Variants in AMBRA1 observed in about 807,000 individuals in gnomAD.
AMBRA1 encodes the protein activating molecule in BECN1-regulated autophagy protein 1.
In AMBRA1, 47 loss-of-function variants were observed where a neutral mutation model predicts 125.4. That is an observed-to-expected ratio of 0.37 (90% CI 0.30 to 0.48). The LOEUF is 0.48. Among genes scored for constraint, AMBRA1 ranks in the 20% least tolerant of loss-of-function variants. AMBRA1 has a pLI of 0.99. For synonymous variants in AMBRA1, 626 were observed against 655.5 expected, an observed-to-expected ratio of 0.95 and a Z score of 0.69; for missense variants, 1,331 against 1,693.4, an observed-to-expected ratio of 0.79 and a Z score of 3.76.
chr11:46,494,523 C>A, intron 9 of AMBRA1: 1 of 206,166 alleles, frequency 4.9e-6, no homozygotes. Context: ...TAAACTTTTT[C>A]TATATTGAAA....
Position 46,496,368 on chromosome 11 carries a change from GTAAA to G in AMBRA1, c.2340-2168_2340-2165del, listed in dbSNP as rs754961378. Reference sequence around the variant, plus strand: ...TTGCACTCCAGCCTGGGCGACAAGAGTAAAACTCTGTCTCAAATAAAATAAAATA... The same window carrying G: ...TTGCACTCCAGCCTGGGCGACAAGAGACTCTGTCTCAAATAAAATAAAATA... On this transcript the variant is annotated intron_variant, in intron 9 of 17. Transcript: ENST00000683756. Among the ~76,000 whole-genome samples the G allele has an allele frequency of 6.4e-4, 98 of 152,162 alleles. 1 individual carries two copies. The highest frequency in any genetic ancestry group is 3.4e-3 in the Middle Eastern group (1 of 294).
intron 9 of AMBRA1, among the ~76,000 whole-genome samples, chr11:46,498,913 T>C (rs996415517): frequency 2.6e-5 from 4 of 152,232 alleles, no homozygotes; most frequent in African/African-American, 4.8e-5. Flanking sequence ...GGTATTCCTG[T>C]CCCTGGAGAG....
chr11:46,545,870 C>T (rs538587489), intron 4 of AMBRA1, 94 bp from the exon 5 acceptor site: 1 of 1,252,294 alleles, frequency 8.0e-7, no homozygotes, highest in East Asian at 2.4e-5. Flanking sequence ...GGTAAAATGA[C>T]TATGTCTAGG....
At chr11:46,456,027 T>G (rs965503121) in intron 11 of AMBRA1, among the ~76,000 whole-genome samples, 1 of 152,142 alleles carries the variant, frequency 6.6e-6, no homozygotes, top group African/African-American at 2.4e-5. Context: ...TTACCTGCAC[T>G]TACACTAATG....
intron 11 of AMBRA1, among the ~76,000 whole-genome samples, chr11:46,468,804 G>A (rs1433649726): frequency 7.3e-6 from 1 of 137,606 alleles, no homozygotes; most frequent in Non-Finnish European, 1.6e-5. Flanking sequence ...AACAGAGTGA[G>A]GCTCCGTCTC....
At chr11:46,456,795 T>C (rs1375691688) in intron 11 of AMBRA1, among the ~76,000 whole-genome samples, 2 of 152,170 alleles carry the variant, frequency 1.3e-5, no homozygotes, top group Non-Finnish European at 2.9e-5. Context: ...GTGCTGAACG[T>C]GGGTTTGACT....
intron 11 of AMBRA1, among the ~76,000 whole-genome samples, chr11:46,476,653 G>A (rs1229931898): frequency 1.3e-5 from 2 of 152,078 alleles, no homozygotes; most frequent in Non-Finnish European, 2.9e-5. Context: ...GTTTTAATTA[G>A]TTTGCAAAAT....
At chr11:46,543,931 G>A (rs770883194) in intron 6 of AMBRA1, 44 bp downstream of exon 6, 5 of 1,479,752 alleles carry the variant, frequency 3.4e-6, no homozygotes, top group Non-Finnish European at 4.7e-6. Flanking sequence ...GTTAAGAAAA[G>A]AACTCACAGT....
intron 8 of AMBRA1, among the ~76,000 whole-genome samples, chr11:46,511,157 T>TAAA (rs1438354492): frequency 1.3e-5 from 2 of 152,184 alleles, no homozygotes; most frequent in Admixed American, 1.3e-4. Flanking sequence ...GTTCTGGGGA[T>TAAA]GAGATGCCTA....
At chr11:46,575,005 G>A (rs2043905020) in intron 1 of AMBRA1, among the ~76,000 whole-genome samples, 2 of 152,192 alleles carry the variant, frequency 1.3e-5, no homozygotes, top group Admixed American at 6.6e-5. Context: ...ATTCAAGAAA[G>A]CTCAATAAAT....
chr11:46,501,813 T>A (rs1308616663), intron 9 of AMBRA1, among the ~76,000 whole-genome samples: 2 of 152,384 alleles, frequency 1.3e-5, no homozygotes, highest in Middle Eastern at 3.4e-3. Context: ...GTGACGTTTT[T>A]GTAGCCAGAA....
intron 14 of AMBRA1, among the ~76,000 whole-genome samples, chr11:46,421,125 C>T (rs527939159): frequency 3.0e-4 from 46 of 151,066 alleles, no homozygotes; most frequent in Admixed American, 6.5e-4. Flanking sequence ...ACCCTCAAGA[C>T]GCCAATATGA....
intron 11 of AMBRA1, among the ~76,000 whole-genome samples, chr11:46,492,201 T>C (rs1419221464): frequency 1.3e-5 from 2 of 152,152 alleles, no homozygotes; most frequent in East Asian, 1.9e-4. Flanking sequence ...TATAGTCTGC[T>C]CTCCTGCCAG....
At chr11:46,447,768 ATAGATAGATAGT>A (rs1347557989) in intron 11 of AMBRA1, among the ~76,000 whole-genome samples, 10 of 99,352 alleles carry the variant, frequency 1.0e-4, no homozygotes, top group African/African-American at 2.5e-4. Context: ...AGATAGATAG[ATAGATAGATAGT>A]GATGGCAAAT....
At chr11:46,417,871 G>C in intron 15 of AMBRA1, 42 bp downstream of exon 15, 1 of 1,558,576 alleles carries the variant, frequency 6.4e-7, no homozygotes, top group Non-Finnish European at 8.8e-7. Context: ...CCCAGTCCTC[G>C]GCCCCAGTGA....
intron 14 of AMBRA1, among the ~76,000 whole-genome samples, chr11:46,420,407 C>A (rs1946796488): frequency 6.6e-6 from 1 of 152,198 alleles, no homozygotes; most frequent in Non-Finnish European, 1.5e-5. Context: ...CACTCAGCCT[C>A]ACTGTCTGAA....
intron 17 of AMBRA1, among the ~76,000 whole-genome samples, chr11:46,400,526 A>AT (rs1490431287): frequency 9.2e-6 from 1 of 108,524 alleles, no homozygotes; most frequent in Non-Finnish European, 1.7e-5. Flanking sequence ...AGGTCTCGCT[A>AT]TGTCACCTAA....
intron 17 of AMBRA1, among the ~76,000 whole-genome samples, chr11:46,398,534 G>A (rs1282294573): frequency 1.3e-5 from 2 of 152,174 alleles, no homozygotes; most frequent in Non-Finnish European, 2.9e-5. Flanking sequence ...ACCCAGGCTG[G>A]AGTGCAGTGG....
At chr11:46,436,090 T>C (rs1947702459) in intron 12 of AMBRA1, among the ~76,000 whole-genome samples, 1 of 152,198 alleles carries the variant, frequency 6.6e-6, no homozygotes, top group African/African-American at 2.4e-5. Context: ...CTGTTTCTCT[T>C]ATTTGAAGGA....
Sources: allele counts gnomAD v4.1 joint callset (sites outside exome capture counted in the v4.1 genomes callset), GRCh38; gene constraint gnomAD v4.1.1; transcripts MANE v1.5; gene names NCBI Gene and HGNC (gene_info 2026-07-23, HGNC 2026-07-21).